The following GRIP1 variants were observed in gnomAD, a reference collection of about 807,000 sequenced individuals.
The protein encoded by GRIP1 is glutamate receptor-interacting protein 1.
A neutral mutation model predicts 129.9 loss-of-function variants in GRIP1; 45 were observed. The ratio of observed to expected loss-of-function variants is 0.35; its 90% CI spans 0.27 to 0.44. GRIP1 has a LOEUF of 0.44. Among genes scored for constraint, GRIP1 ranks in the 20% least tolerant of loss-of-function variants. The pLI is 1.00. For synonymous variants in GRIP1, 530 were observed against 520.8 expected, an observed-to-expected ratio of 1.02 and a Z score of -0.24; for missense variants, 1,196 against 1,396.8, an observed-to-expected ratio of 0.86 and a Z score of 2.29.
chr12:66,979,221 TTAAAA>T (rs1269685008), intron 1 of GRIP1, among the ~76,000 whole-genome samples: 3 of 18,718 alleles, frequency 1.6e-4, no homozygotes, highest in African/African-American at 5.9e-4. Flanking sequence ...ACTTCTCTTC[TTAAAA>T]AAAAAAAAAA....
chr12:66,386,185 T>G (rs569793326), intron 19 of GRIP1, among the ~76,000 whole-genome samples: 1 of 152,370 alleles, frequency 6.6e-6, no homozygotes, highest in East Asian at 1.9e-4. Flanking sequence ...TTAGGGTAAC[T>G]ATGCCTTAGA....
At chr12:66,925,206 T>C (rs2041277268) in intron 1 of GRIP1, among the ~76,000 whole-genome samples, 1 of 152,058 alleles carries the variant, frequency 6.6e-6, no homozygotes, top group Non-Finnish European at 1.5e-5. Flanking sequence ...CCCTCCCATA[T>C]ACAAAGTCAG....
At chr12:66,401,598 G>GTGTATATATATA (rs71096098) in intron 16 of GRIP1, among the ~76,000 whole-genome samples, 6,244 of 65,944 alleles carry the variant, frequency 0.095, 556 homozygotes, top group African/African-American at 0.14. Flanking sequence ...AAATATGTGT[G>GTGTATATATATA]TATATATATA....
At chr12:66,527,208 T>C (rs999472354) in intron 5 of GRIP1, among the ~76,000 whole-genome samples, 3 of 149,956 alleles carry the variant, frequency 2.0e-5, no homozygotes, top group Admixed American at 6.7e-5. Context: ...ATCATGCTGC[T>C]ATAAAGACAC....
intron 1 of GRIP1, among the ~76,000 whole-genome samples, chr12:66,599,949 A>T (rs1173853030): frequency 6.6e-6 from 1 of 152,152 alleles, no homozygotes; most frequent in Non-Finnish European, 1.5e-5. Flanking sequence ...AAGATTTCAT[A>T]AGTCATTGGG....
At chr12:66,796,385 G>T (rs1047191101) in intron 1 of GRIP1, among the ~76,000 whole-genome samples, 5 of 151,896 alleles carry the variant, frequency 3.3e-5, no homozygotes, top group African/African-American at 1.2e-4. Context: ...CCAGAAGATG[G>T]CAAGGGAAGT....
chr12:66,913,398 C>T (rs1592948938), intron 1 of GRIP1, among the ~76,000 whole-genome samples: 3 of 152,188 alleles, frequency 2.0e-5, no homozygotes, highest in African/African-American at 7.2e-5. Flanking sequence ...ATCTTAGCAA[C>T]AGGTATCACA....
chr12:66,990,812 T>C (rs975517090), intron 1 of GRIP1, among the ~76,000 whole-genome samples: 6 of 151,954 alleles, frequency 3.9e-5, no homozygotes, highest in Admixed American at 3.3e-4. Flanking sequence ...CTGACCAACA[T>C]GGAGGAACCC....
chr12:66,816,491 A>G (rs1443542169), intron 1 of GRIP1, among the ~76,000 whole-genome samples: 1 of 152,188 alleles, frequency 6.6e-6, no homozygotes, highest in Non-Finnish European at 1.5e-5. Flanking sequence ...TAACCATAAT[A>G]ATCTCATTTT....
intron 1 of GRIP1, among the ~76,000 whole-genome samples, chr12:66,774,570 T>C (rs889188457): frequency 7.2e-5 from 11 of 152,214 alleles, no homozygotes; most frequent in South Asian, 6.2e-4. Flanking sequence ...GGTGTAGACT[T>C]AACTTTGGAG....
At chr12:67,041,943 ATG>A (rs1357322311) in intron 1 of GRIP1, among the ~76,000 whole-genome samples, 2 of 152,074 alleles carry the variant, frequency 1.3e-5, no homozygotes, top group Non-Finnish European at 2.9e-5. Flanking sequence ...CCCAAATTTT[ATG>A]TGTTAGAGCC....
At chr12:66,690,239 T>G (rs2034932676) in intron 1 of GRIP1, among the ~76,000 whole-genome samples, 1 of 152,060 alleles carries the variant, frequency 6.6e-6, no homozygotes, top group Non-Finnish European at 1.5e-5. Context: ...TTTTTTAGAT[T>G]CCACATATAA....
intron 24 of GRIP1, among the ~76,000 whole-genome samples, chr12:66,349,559 G>A (rs2054127635): frequency 6.6e-6 from 1 of 152,208 alleles, no homozygotes; most frequent in African/African-American, 2.4e-5. Context: ...GATGAGAAAA[G>A]CAAGCCACAA....
intron 1 of GRIP1, among the ~76,000 whole-genome samples, chr12:66,789,492 T>C (rs2038459456): frequency 6.6e-6 from 1 of 152,188 alleles, no homozygotes; most frequent in Admixed American, 6.5e-5. Context: ...CAATGTATGT[T>C]ATAGCATTGT....
intron 1 of GRIP1, among the ~76,000 whole-genome samples, chr12:66,769,741 T>C (rs1280100753): frequency 1.3e-5 from 2 of 152,122 alleles, no homozygotes; most frequent in Non-Finnish European, 2.9e-5. Context: ...CCAATGGTCT[T>C]TTTGCAATAT....
At chr12:66,881,659 G>A (rs1384749617) in intron 1 of GRIP1, among the ~76,000 whole-genome samples, 1 of 152,020 alleles carries the variant, frequency 6.6e-6, no homozygotes, top group Non-Finnish European at 1.5e-5. Flanking sequence ...AGGGGGAAAG[G>A]GTCAAGCTCA....
intron 1 of GRIP1, among the ~76,000 whole-genome samples, chr12:66,649,429 A>T (rs2032623267): frequency 1.3e-5 from 2 of 152,214 alleles, no homozygotes; most frequent in Non-Finnish European, 2.9e-5. Flanking sequence ...ATTTGTACTA[A>T]GTTCAGTTTC....
intron 1 of GRIP1, among the ~76,000 whole-genome samples, chr12:66,612,067 AT>A (rs899091964): frequency 7.2e-5 from 11 of 152,142 alleles, no homozygotes; most frequent in Non-Finnish European, 1.6e-4. Flanking sequence ...ATACTAATAT[AT>A]TTTTTTCAAA....
chr12:66,424,141 T>G (rs188570634), intron 14 of GRIP1, among the ~76,000 whole-genome samples: 2 of 152,196 alleles, frequency 1.3e-5, no homozygotes, highest in African/African-American at 4.8e-5. Flanking sequence ...TCGTCATGTG[T>G]GTCTACAGCT....
Sources: gnomAD v4.1 joint callset for allele counts (sites outside exome capture counted in the v4.1 genomes callset) on GRCh38, gnomAD v4.1.1 for gene constraint, MANE v1.5 for transcripts, NCBI Gene and HGNC (gene_info 2026-07-23, HGNC 2026-07-21) for gene names.